METTL21A: variants seen among roughly 807,000 people sequenced by gnomAD.
The protein encoded by METTL21A is methyltransferase 21A, HSPA lysine, also known as protein N-lysine methyltransferase METTL21A.
In METTL21A, 22 loss-of-function variants were observed where a neutral mutation model predicts 20.9. The observed-to-expected ratio is 1.05, with a 90% CI of 0.75 to 1.50. The LOEUF (loss-of-function observed/expected upper bound fraction) is 1.50, where lower values mean the gene tolerates loss of function less well. Ranked by LOEUF, METTL21A falls within the 40% of genes most tolerant of loss-of-function variation. The pLI is 0.00. For synonymous variants in METTL21A, 93 were observed against 102.0 expected, an observed-to-expected ratio of 0.91 and a Z score of 0.53; for missense variants, 271 against 266.8, an observed-to-expected ratio of 1.02 and a Z score of -0.11.
rs922239578 is a variant in METTL21A, at chr2:207,613,586, C to A, written c.260-143G>T. 9 of 735,520 alleles carry A rather than the reference C, an allele frequency of 1.2e-5. No individual in the cohort carries two copies. In the African/African-American group the frequency reaches 1.6e-4, roughly 13 times the overall value. 45.6% of individuals were successfully genotyped at this position (735,520 alleles called of 1,614,324 possible). On this transcript the variant is annotated intron_variant, in intron 3 of 3. Coordinates refer to ENST00000406927, the Ensembl canonical transcript of METTL21A. Reference sequence around the variant, plus strand: ...CAATCACACCTTTCATGGACAGCTGCAATAGAAAAATGACTCACAGCTCCT... The same window carrying A: ...CAATCACACCTTTCATGGACAGCTGAAATAGAAAAATGACTCACAGCTCCT...
intron 3 of METTL21A, among the ~76,000 whole-genome samples, chr2:207,614,654 C>T (rs561365193): frequency 2.6e-5 from 4 of 152,208 alleles, no homozygotes; most frequent in African/African-American, 4.8e-5. Context: ...AGTTTCTACA[C>T]ACAGTGTAGA....
chr2:207,624,273 GC>G lies in METTL21A; in HGVS notation c.102del (p.Gln35ArgfsTer47). 4 of 1,613,422 alleles carry G rather than the reference GC, an allele frequency of 2.5e-6. No individual in the cohort carries two copies. The highest frequency in any genetic ancestry group is 3.4e-6 in the Non-Finnish European group (4 of 1,179,718). On this transcript the variant is annotated frameshift_variant, in exon 2 of 4. Transcript: ENST00000406927. LOFTEE classifies it high-confidence loss of function. Reference sequence around the variant, plus strand: ...GCGACTCCCAGGTGTCTCCAGTCCTGCCGGATCTGGATCGTGTGGTTTGCAA... The same window carrying G: ...GCGACTCCCAGGTGTCTCCAGTCCTGCGGATCTGGATCGTGTGGTTTGCAA...
At chr2:207,593,863 C>T (rs943719685) in intron 3 of METTL21A, among the ~76,000 whole-genome samples, 7 of 151,928 alleles carry the variant, frequency 4.6e-5, no homozygotes, top group Non-Finnish European at 5.9e-5. Flanking sequence ...GGATTACAGG[C>T]ACCTGCCACC....
downstream of METTL21A, chr2:207,581,053 C>A (rs532865418): frequency 4.7e-6 from 1 of 214,896 alleles, no homozygotes; most frequent in Admixed American, 5.9e-5. Context: ...ATCACCTTTG[C>A]CTTTATGTAA....
At chr2:207,613,350 G>T in exon 4 of METTL21A, 1 of 1,613,766 alleles carries the variant, frequency 6.2e-7, no homozygotes, top group Non-Finnish European at 8.5e-7. Flanking sequence ...CTTAACAACA[G>T]TTTTAGTTTG....
intron 3 of METTL21A, chr2:207,615,566 C>T (rs1406503431): frequency 6.6e-6 from 1 of 151,930 alleles, no homozygotes; most frequent in African/African-American, 2.4e-5. Context: ...CATGGTGGCG[C>T]GTGCCTGTAG....
Position 207,613,998 on chromosome 2 carries a change from A to AGT in METTL21A, c.260-556_260-555insAC, listed in dbSNP as rs1328571339. ...AAAAAAAGTAGAATTAACCAGTGACACGGCTGATGCTTCTGAATTCTGCCA... is the reference window on the plus strand; with the variant it reads ...AAAAAAAGTAGAATTAACCAGTGACAGTCGGCTGATGCTTCTGAATTCTGCCA... On this transcript the variant is annotated intron_variant, in intron 3 of 3. Coordinates refer to ENST00000406927, the Ensembl canonical transcript of METTL21A. Among the ~76,000 whole-genome samples the AGT allele has an allele frequency of 3.3e-5, 5 of 152,164 alleles. No individual in the cohort carries two copies. The East Asian group carries it at 9.6e-4, about 29-fold the overall frequency.
downstream of METTL21A, among the ~76,000 whole-genome samples, chr2:207,604,240 T>C (rs1296634389): frequency 1.3e-5 from 2 of 152,214 alleles, no homozygotes; most frequent in African/African-American, 4.8e-5. Flanking sequence ...CATCCAAAGA[T>C]AAAATTCTGA....
At chr2:207,620,555 G>T in intron 3 of METTL21A, 1 of 1,053,056 alleles carries the variant, frequency 9.5e-7, no homozygotes, top group Non-Finnish European at 1.3e-6. Flanking sequence ...TCAGAAAGTA[G>T]CTTCATCTCC....
chr2:207,608,907 C>G (rs1295568851), downstream of METTL21A, among the ~76,000 whole-genome samples: 2 of 152,226 alleles, frequency 1.3e-5, no homozygotes, highest in South Asian at 4.1e-4. Context: ...GCCTGGGTGA[C>G]AGAGCGAATA....
chr2:207,594,537 G>A (rs1263579974), intron 3 of METTL21A, among the ~76,000 whole-genome samples: 1 of 152,136 alleles, frequency 6.6e-6, no homozygotes, highest in African/African-American at 2.4e-5. Flanking sequence ...CTACGTTTTG[G>A]CATGCAGAGG....
At chr2:207,592,149 G>C (rs1361015957) in intron 3 of METTL21A, among the ~76,000 whole-genome samples, 1 of 152,088 alleles carries the variant, frequency 6.6e-6, no homozygotes, top group Non-Finnish European at 1.5e-5. Context: ...TGAAGTGACA[G>C]ACTTTAAAGA....
downstream of METTL21A, chr2:207,609,236 A>G (rs1248528870): frequency 2.0e-5 from 3 of 152,198 alleles, no homozygotes. Flanking sequence ...TGTTTTTAAG[A>G]TTTTATAAAA....
intron 1 of METTL21A, 22 bp downstream of exon 1, chr2:207,625,040 C>T (rs1407516015): frequency 3.9e-5 from 6 of 152,580 alleles, no homozygotes; most frequent in Non-Finnish European, 8.8e-5. Flanking sequence ...CCGAACTCCC[C>T]CTATAGCTGC....
chr2:207,587,433 T>C (rs1291554322), intron 3 of METTL21A, among the ~76,000 whole-genome samples: 2 of 142,176 alleles, frequency 1.4e-5, no homozygotes, highest in Non-Finnish European at 3.1e-5. Flanking sequence ...ACACAAAAAA[T>C]AAAAGAACCA....
chr2:207,623,205 A>G (rs552948516), intron 2 of METTL21A, among the ~76,000 whole-genome samples: 1 of 152,184 alleles, frequency 6.6e-6, no homozygotes, highest in African/African-American at 2.4e-5. Context: ...CACCAGGCCT[A>G]TATCTTTATT....
chr2:207,597,813 A>C (rs1240176091), intron 3 of METTL21A: 2 of 195,750 alleles, frequency 1.0e-5, no homozygotes, highest in Non-Finnish European at 2.1e-5. Flanking sequence ...TGGTATTTGA[A>C]TTTTAAATTA....
chr2:207,622,223 C>T (rs898561837), intron 2 of METTL21A, among the ~76,000 whole-genome samples: 3 of 145,460 alleles, frequency 2.1e-5, no homozygotes, highest in Admixed American at 7.2e-5. Flanking sequence ...GGCTGGAGTG[C>T]AGTGGCACAA....
intron 3 of METTL21A, among the ~76,000 whole-genome samples, chr2:207,592,300 G>C (rs1185553790): frequency 6.6e-6 from 1 of 151,958 alleles, no homozygotes; most frequent in African/African-American, 2.4e-5. Flanking sequence ...CCAGCTACTC[G>C]GGAGGCTGAG....
Sources: allele counts gnomAD v4.1 joint callset (sites outside exome capture counted in the v4.1 genomes callset), GRCh38; gene constraint gnomAD v4.1.1; transcripts MANE v1.5; gene names NCBI Gene and HGNC (gene_info 2026-07-23, HGNC 2026-07-21).